RIN2: variants seen among roughly 807,000 people sequenced by gnomAD.
The protein encoded by RIN2 is RAB5 interacting protein 2.
In RIN2, 36 loss-of-function variants were observed where a neutral mutation model predicts 78.0. That is an observed-to-expected ratio of 0.46 (90% confidence interval 0.35 to 0.61). RIN2 has a LOEUF of 0.61. RIN2 is among the 20% of genes least tolerant of loss of function. The probability of loss-of-function intolerance (pLI) is 0.00; values close to 1 mark genes in which losing one functional copy is unlikely to be tolerated. For missense variants in RIN2, 1,087 were observed against 1,159.7 expected, an observed-to-expected ratio of 0.94 and a Z score of 0.91; for synonymous variants, 466 against 466.8, an observed-to-expected ratio of 1.00 and a Z score of 0.02.
At chr20:19,777,949 G>A (rs190304858) in intron 1 of RIN2, among the ~76,000 whole-genome samples, 1 of 152,328 alleles carries the variant, frequency 6.6e-6, no homozygotes, top group East Asian at 1.9e-4. Context: ...AGTCTTACTG[G>A]TGTGTTCCAA....
At chr20:19,830,190 GT>G (rs2036210502) in intron 2 of RIN2, among the ~76,000 whole-genome samples, 1 of 152,146 alleles carries the variant, frequency 6.6e-6, no homozygotes, top group Non-Finnish European at 1.5e-5. Context: ...GAAACCATTT[GT>G]TTTTTAGCCA....
intron 10 of RIN2, 82 bp from the exon 11 acceptor site, chr20:19,992,086 T>C: frequency 8.0e-6 from 12 of 1,508,824 alleles, no homozygotes; most frequent in Non-Finnish European, 1.1e-5. Context: ...GACTCCTTGC[T>C]GTCTAATAAA....
chr20:19,989,955 A>G (rs2042741931), intron 9 of RIN2, 51 bp from the exon 10 acceptor site: 1 of 1,457,594 alleles, frequency 6.9e-7, no homozygotes, highest in Non-Finnish European at 9.1e-7. Flanking sequence ...CAGATGTTGC[A>G]TTTCTTCTTT....
intron 9 of RIN2, among the ~76,000 whole-genome samples, chr20:19,985,413 T>C (rs1330976718): frequency 6.6e-6 from 1 of 152,256 alleles, no homozygotes; most frequent in Non-Finnish European, 1.5e-5. Flanking sequence ...CCTCTACCAC[T>C]TTCCTCTTAT....
At chr20:19,933,780 G>A (rs756087016) in intron 3 of RIN2, among the ~76,000 whole-genome samples, 1 of 152,066 alleles carries the variant, frequency 6.6e-6, no homozygotes, top group Admixed American at 6.6e-5. Context: ...TTAGCCTCAG[G>A]ACCCCTTGAT....
intron 2 of RIN2, among the ~76,000 whole-genome samples, chr20:19,875,266 T>C (rs2145551): frequency 1 from 152,296 of 152,296 alleles, 76,148 homozygotes; most frequent in Non-Finnish European, 1. Flanking sequence ...TGAAGCAATT[T>C]TCCTGCCTCA....
Position 19,975,241 on chromosome 20 carries a change from G to C in RIN2, c.1216G>C (p.Gly406Arg). ...PGGAPPEAAP[G>R]DCTRAPPPSS... is the part of the protein sequence containing the mutation. ...TGGGGCCCCGCCTGAGGCCGCCCCGGGGGATTGCACAAGGGCCCCGCCGCC... is the reference window on the plus strand; with the variant it reads ...TGGGGCCCCGCCTGAGGCCGCCCCGCGGGATTGCACAAGGGCCCCGCCGCC... Residue 406 changes from glycine (G) to arginine (R), a missense_variant, in exon 9 of 13, where the codon GGG (glycine) becomes CGG (arginine). By Grantham distance (125) the Gly-to-Arg change is moderately radical. Coordinates refer to ENST00000255006, the MANE Select transcript of RIN2 (RefSeq NM_018993.4). This position sits in a 1 kb window ranked among gnomAD's most constrained non-coding sequence, Gnocchi z 4.9. 1.3e-6 allele frequency: 2 copies of C among 1,583,786 alleles called. No individual in the cohort carries two copies. Among genetic ancestry groups the C allele is most frequent in the Non-Finnish European group, 1.7e-6 (2 of 1,165,190 alleles).
intron 2 of RIN2, among the ~76,000 whole-genome samples, chr20:19,826,942 G>A (rs1162251335): frequency 6.7e-6 from 1 of 149,516 alleles, no homozygotes; most frequent in African/African-American, 2.5e-5. Flanking sequence ...GTTGGTGGTG[G>A]TGGTGGTGGT....
intron 2 of RIN2, among the ~76,000 whole-genome samples, chr20:19,874,824 T>C (rs1044865561): frequency 6.6e-6 from 1 of 151,248 alleles, no homozygotes; most frequent in African/African-American, 2.4e-5. Flanking sequence ...GGAATATAGA[T>C]ACACTTTTAT....
At chr20:19,961,477 C>T (rs186843450) in intron 6 of RIN2, among the ~76,000 whole-genome samples, 2 of 152,202 alleles carry the variant, frequency 1.3e-5, no homozygotes, top group East Asian at 1.9e-4. Context: ...AAGAAAGGAT[C>T]GGAAGATGGA....
chr20:19,767,980 A>T (rs1259241880), intron 1 of RIN2, among the ~76,000 whole-genome samples: 1 of 151,618 alleles, frequency 6.6e-6, no homozygotes, highest in Non-Finnish European at 1.5e-5. Flanking sequence ...GAGACGGAGG[A>T]TGTGACCCAG....
At chr20:19,762,480 T>C (rs2033679246) in intron 1 of RIN2, among the ~76,000 whole-genome samples, 1 of 152,218 alleles carries the variant, frequency 6.6e-6, no homozygotes, top group Non-Finnish European at 1.5e-5. Flanking sequence ...ATTTGTTTCG[T>C]AGATTTTTCG....
chr20:19,930,574 G>A (rs905327693), intron 3 of RIN2, among the ~76,000 whole-genome samples: 1 of 152,146 alleles, frequency 6.6e-6, no homozygotes, highest in Non-Finnish European at 1.5e-5. Flanking sequence ...ACCCAGTGAC[G>A]GGGCTTCCTG....
intron 3 of RIN2, among the ~76,000 whole-genome samples, chr20:19,892,999 C>G (rs1395397303): frequency 6.6e-6 from 1 of 152,298 alleles, no homozygotes; most frequent in African/African-American, 2.4e-5. Context: ...CCACCCCTAA[C>G]CTCATGGAGC....
chr20:19,827,861 T>A (rs189005681), intron 2 of RIN2, among the ~76,000 whole-genome samples: 16 of 151,678 alleles, frequency 1.1e-4, no homozygotes, highest in Admixed American at 3.9e-4. Flanking sequence ...CAAAAGTACC[T>A]TTAAAAAGGT....
At chr20:19,791,113 T>C (rs527757616) in intron 1 of RIN2, among the ~76,000 whole-genome samples, 166 of 152,346 alleles carry the variant, frequency 1.1e-3, no homozygotes, top group African/African-American at 3.9e-3. Context: ...GTTCCTGTAA[T>C]GTATAGCTTA....
chr20:19,814,875 G>A (rs141562089), intron 2 of RIN2, among the ~76,000 whole-genome samples: 15 of 152,106 alleles, frequency 9.9e-5, no homozygotes, highest in Non-Finnish European at 2.2e-4. Flanking sequence ...TTACAGGTGT[G>A]AGCCATCATG....
chr20:19,975,532 G>T lies in RIN2; in HGVS notation c.1507G>T (p.Val503Leu), dbSNP rs2042253384. ...GTCCCAGCTGCAGAAGGTGAGCGGGGTGTTCAGCTCCTTCATGACCCCGGA... is the reference window on the plus strand; with the variant it reads ...GTCCCAGCTGCAGAAGGTGAGCGGGTTGTTCAGCTCCTTCATGACCCCGGA... Reference protein sequence around the residue: ...VKSQLQKVSGVFSSFMTPEKR... With the variant: ...VKSQLQKVSGLFSSFMTPEKR... Residue 503 changes from valine to leucine, a missense_variant, in exon 9 of 13, where the codon GTG becomes TTG. Around this residue, in one of 8 missense-constraint regions of RIN2, gnomAD observed 706 missense variants for 667.5 expected, o/e 1.06. Transcript: ENST00000255006. This position sits in a 1 kb window ranked among gnomAD's most constrained non-coding sequence, Gnocchi z 4.9. 2.5e-6 allele frequency: 4 copies of T among 1,614,038 alleles called. No individual in the cohort carries two copies. Among genetic ancestry groups the T allele is most frequent in the Non-Finnish European group, 2.5e-6 (3 of 1,179,894 alleles).
chr20:19,960,889 T>A, intron 6 of RIN2, 78 bp downstream of exon 6: 1 of 880,458 alleles, frequency 1.1e-6, no homozygotes, highest in Non-Finnish European at 1.8e-6. Context: ...GAAGGAGCTC[T>A]GGTTATGAGA....
Sources: gnomAD v4.1 joint callset for allele counts (sites outside exome capture counted in the v4.1 genomes callset) on GRCh38, gnomAD v4.1.1 for gene constraint, gnomAD v4.1.1 regional missense constraint, Gnocchi (gnomAD v3.1) non-coding constraint, MANE v1.5 for transcripts, NCBI Gene and HGNC (gene_info 2026-07-23, HGNC 2026-07-21) for gene names.